Variants in NSUN4 observed in about 807,000 individuals in gnomAD.
NSUN4 encodes NOP2/Sun RNA methyltransferase 4.
Under a neutral mutation model 43.8 loss-of-function variants are expected in NSUN4, and 31 were observed. That is an observed-to-expected ratio of 0.71 (90% CI 0.53 to 0.96). The LOEUF (loss-of-function observed/expected upper bound fraction) is 0.96, where lower values mean the gene tolerates loss of function less well. NSUN4 is among the 40% of genes least tolerant of loss of function. NSUN4 has a pLI of 0.00. For missense variants in NSUN4, 439 were observed against 475.6 expected (o/e 0.92, Z 0.72); for synonymous variants, 167 against 184.1 (o/e 0.91, Z 0.75).
chr1:46,341,301 C>T, intron 1 of NSUN4: 5 of 998,228 alleles, frequency 5.0e-6, no homozygotes, highest in Non-Finnish European at 6.0e-6. Flanking sequence ...CATGACTTCT[C>T]CTTTCCTCAT....
chr1:46,383,270 C>G, the NSUN4 span, among the ~76,000 whole-genome samples: 1 of 152,162 alleles, frequency 6.6e-6, no homozygotes, highest in Non-Finnish European at 1.5e-5. Context: ...GCCCCAGAGA[C>G]TCTTCCAGTG....
chr1:46,360,432 T>TA, intron 4 of NSUN4, among the ~76,000 whole-genome samples: 1 of 135,254 alleles, frequency 7.4e-6, no homozygotes, highest in Non-Finnish European at 1.7e-5. Flanking sequence ...GATTTGTCTC[T>TA]AAAAATTAAA....
Position 46,352,939 on chromosome 1 carries a change from C to T in NSUN4, c.664C>T (p.Pro222Ser). The change falls in exon 4 of 6, where the codon CCT becomes TCT. Residue 222 changes from proline to serine, a missense_variant. Transcript: ENST00000474844. ...ACAGAAGATCCTTCACAGCTATGTG[C>T]CTGAAGAGATCAGGGATGGAAATCA... Reference protein sequence around the residue: ...RLQKILHSYVPEEIRDGNQVR... With the variant: ...RLQKILHSYVSEEIRDGNQVR... The T allele has an allele frequency of 1.2e-6, 2 of 1,614,066 alleles. No homozygotes were observed. Among genetic ancestry groups the T allele is most frequent in the South Asian group, 1.1e-5 (1 of 91,086 alleles).
chr1:46,369,670 GTGAA>G (rs1205834268), downstream of NSUN4, among the ~76,000 whole-genome samples: 3 of 152,144 alleles, frequency 2.0e-5, no homozygotes, highest in Admixed American at 6.6e-5. Context: ...AACAGTTCGT[GTGAA>G]TGTGAAGTCA....
At chr1:46,346,780 G>A in intron 2 of NSUN4, 141 bp from the exon 3 acceptor site, 1 of 644,182 alleles carries the variant, frequency 1.6e-6, no homozygotes, top group Non-Finnish European at 2.7e-6. Context: ...GAATGAATAA[G>A]TGAATAAGTA....
In NSUN4 at chr1:46,361,572, C is replaced by T. The variant is rs1335082199; in HGVS notation, c.881C>T (p.Ala294Val). The stretch of plus-strand genomic sequence containing the variant: ...CTTCTGTCTCTTTCTGGTTTCAGGG[C>T]TGGACTCCTTGCCACCAAACCAGGA... ...LPVLQVQLLA[A>V]GLLATKPGGH... The change falls in exon 6 of 6, where the codon GCT (alanine) becomes GTT (valine). Residue 294 changes from alanine (A) to valine (V), a missense_variant and splice_region_variant. Coordinates refer to ENST00000474844, the MANE Select transcript of NSUN4 (RefSeq NM_199044.4). 2 of 1,613,306 alleles carry T rather than the reference C, an allele frequency of 1.2e-6. No individual in the cohort carries two copies. The highest frequency in any genetic ancestry group is 8.5e-7 in the Non-Finnish European group (1 of 1,179,468).
the NSUN4 span, among the ~76,000 whole-genome samples, chr1:46,383,089 T>A: frequency 6.6e-6 from 1 of 152,156 alleles, no homozygotes; most frequent in Non-Finnish European, 1.5e-5. Flanking sequence ...GCTTCTTGGA[T>A]GTAAAATCCA....
chr1:46,379,733 G>A, the NSUN4 span, among the ~76,000 whole-genome samples: 9 of 152,308 alleles, frequency 5.9e-5, no homozygotes, highest in African/African-American at 1.9e-4. Flanking sequence ...TAAGGTCAAG[G>A]CACTGGCAGA....
At position 46,361,690 on chromosome 1, in the gene NSUN4, C is replaced by T. The variant is rs113344220; in HGVS notation, c.999C>T (p.Ser333=). 6.2e-7 allele frequency: 1 copy of T among 1,614,192 alleles called. No homozygotes were observed. Among genetic ancestry groups the T allele is most frequent in the Non-Finnish European group, 8.5e-7 (1 of 1,180,034 alleles). ...GAIELLANQY[S]IQVQVEDLTH... is the part of the protein sequence containing the mutation. ...TTGAGCTCCTGGCCAATCAATACAGCATCCAGGTACAGGTGGAAGATCTGA... is the reference window on the plus strand; with the variant it reads ...TTGAGCTCCTGGCCAATCAATACAGTATCCAGGTACAGGTGGAAGATCTGA... The change falls in exon 6 of 6, where the codon AGC becomes AGT. Residue 333 remains serine, a synonymous_variant. Coordinates refer to ENST00000474844, the MANE Select transcript of NSUN4 (RefSeq NM_199044.4).
chr1:46,377,125 C>T, the NSUN4 span, among the ~76,000 whole-genome samples: 1 of 152,038 alleles, frequency 6.6e-6, no homozygotes, highest in African/African-American at 2.4e-5. Flanking sequence ...TCTCAGCTCA[C>T]TGCAACTTCT....
At chr1:46,361,452 T>C in intron 5 of NSUN4, 118 bp from the exon 6 acceptor site, 6 of 905,392 alleles carry the variant, frequency 6.6e-6, no homozygotes, top group Non-Finnish European at 1.0e-5. Flanking sequence ...TGAGAGGCAG[T>C]CTAACCAGCT....
chr1:46,350,766 C>G (rs960260954), intron 3 of NSUN4, among the ~76,000 whole-genome samples: 1 of 152,224 alleles, frequency 6.6e-6, no homozygotes, highest in Admixed American at 6.5e-5. Flanking sequence ...TTATCAGGGA[C>G]TTAAGCTCCC....
chr1:46,373,828 GAACA>G, the NSUN4 span, among the ~76,000 whole-genome samples: 1 of 150,152 alleles, frequency 6.7e-6, no homozygotes, highest in Non-Finnish European at 1.5e-5. Flanking sequence ...GTTTCAGAGG[GAACA>G]AACACACAGG....
Position 46,346,973 on chromosome 1 carries a change from C to T in NSUN4, c.490C>T (p.Leu164=). 2 of 1,614,128 alleles carry T rather than the reference C, an allele frequency of 1.2e-6. No individual in the cohort carries two copies. Among genetic ancestry groups the T allele is most frequent in the Non-Finnish European group, 8.5e-7 (1 of 1,179,986 alleles). Reference sequence around the variant, plus strand: ...CTACCTGATGGATGCTGCCTCCTTGCTGCCTGTTCTGGCCCTCGGCCTGCA... The same window carrying T: ...CTACCTGATGGATGCTGCCTCCTTGTTGCCTGTTCTGGCCCTCGGCCTGCA... The part of the protein sequence containing the change: ...EYYLMDAASL[L]PVLALGLQPG... Residue 164 remains leucine, a synonymous_variant, in exon 3 of 6, where the codon CTG becomes TTG. Coordinates refer to ENST00000474844, the MANE Select transcript of NSUN4 (RefSeq NM_199044.4).
chr1:46,373,290 C>G, the NSUN4 span, among the ~76,000 whole-genome samples: 1 of 152,226 alleles, frequency 6.6e-6, no homozygotes, highest in Non-Finnish European at 1.5e-5. Flanking sequence ...AGCCTCTGCC[C>G]ATTATCCAGT....
At chr1:46,359,515 T>C (rs928486518) in intron 4 of NSUN4, among the ~76,000 whole-genome samples, 1 of 150,900 alleles carries the variant, frequency 6.6e-6, no homozygotes, top group Non-Finnish European at 1.5e-5. Context: ...GAGTAGTAGC[T>C]GGGACTACAA....
chr1:46,347,797 CT>C (rs1557738261), intron 3 of NSUN4, among the ~76,000 whole-genome samples: 2 of 151,888 alleles, frequency 1.3e-5, no homozygotes, highest in East Asian at 3.9e-4. Flanking sequence ...GTTGCCTTTG[CT>C]CTTGTTAAAT....
chr1:46,381,654 T>C, the NSUN4 span, among the ~76,000 whole-genome samples: 1 of 152,134 alleles, frequency 6.6e-6, no homozygotes, highest in South Asian at 2.1e-4. Context: ...TAGGACTATA[T>C]ATTATTTTCC....
chr1:46,377,585 A>G, the NSUN4 span, among the ~76,000 whole-genome samples: 4 of 152,368 alleles, frequency 2.6e-5, no homozygotes, highest in African/African-American at 9.6e-5. Context: ...AGCTGACTCA[A>G]CACTCAGACT....
Sources: gnomAD v4.1 joint callset for allele counts (sites outside exome capture counted in the v4.1 genomes callset) on GRCh38, gnomAD v4.1.1 for gene constraint, MANE v1.5 for transcripts, NCBI Gene and HGNC (gene_info 2026-07-23, HGNC 2026-07-21) for gene names.